The following PCYT1B variants were observed in gnomAD, a reference collection of about 807,000 sequenced individuals.
The protein encoded by PCYT1B is phosphate cytidylyltransferase 1B, choline, also known as choline-phosphate cytidylyltransferase B.
Under a neutral mutation model 26.4 loss-of-function variants are expected in PCYT1B, and 10 were observed. That is an observed-to-expected ratio of 0.38 (90% CI 0.23 to 0.64). The LOEUF is 0.64. Among genes scored for constraint, PCYT1B ranks in the 30% least tolerant of loss-of-function variants. PCYT1B has a pLI of 0.56. For missense variants in PCYT1B, 161 were observed against 292.7 expected (o/e 0.55, Z 3.28); for synonymous variants, 131 against 108.4 (o/e 1.21, Z -1.29).
At chrX:24,613,536 A>G (rs1278427075) in intron 2 of PCYT1B, among the ~76,000 whole-genome samples, 1 of 112,100 alleles carries the variant, frequency 8.9e-6, no homozygotes, top group East Asian at 2.8e-4. Flanking sequence ...AATAAGGCAG[A>G]TTCATTAAGG....
At chrX:24,594,378 T>A (rs1462566535) in intron 3 of PCYT1B, among the ~76,000 whole-genome samples, 1 of 111,735 alleles carries the variant, frequency 8.9e-6, no homozygotes, top group Non-Finnish European at 1.9e-5. Context: ...ACTTTTTGAA[T>A]GTTCTTTTAG....
rs200878033 is a variant in PCYT1B, at chrX:24,620,580, TG to T, written c.118-1497del. Among the ~76,000 whole-genome samples, 643 of 112,032 alleles carry T rather than the reference TG, an allele frequency of 5.7e-3. 4 individuals carry two copies. Among genetic ancestry groups the T allele is most frequent in the Non-Finnish European group, 8.7e-3 (465 of 53,159 alleles). ...TTTGTAATGTAGCAAAGGGGTGCAG[TG>T]ACAAGAACAAAAACTCTGTATCCAC... On this transcript the variant is annotated intron_variant, in intron 1 of 7. Transcript: ENST00000379144.
At chrX:24,606,222 A>G (rs1444434616) in intron 3 of PCYT1B, among the ~76,000 whole-genome samples, 3 of 110,931 alleles carry the variant, frequency 2.7e-5, no homozygotes, top group African/African-American at 9.8e-5. Context: ...TTTGGATGTG[A>G]TAACCCAGGG....
Position 24,647,055 on chromosome X carries a change from G to C in PCYT1B, c.51C>G (p.Ser17=). 1 of 1,210,239 alleles carries C rather than the reference G, an allele frequency of 8.3e-7. No individual in the cohort carries two copies. The highest frequency in any genetic ancestry group is 1.7e-5 in the African/African-American group (1 of 57,717). The change falls in exon 1 of 8, where the codon TCC becomes TCG. Residue 17 remains serine, a synonymous_variant. Transcript: ENST00000379144. ...TTTCTGAGGGAGGCTCATTGGAAAG[G>C]GATTTTGGGATACCTGTTTCTGACT... ...DAESETGIPK[S]LSNEPPSETM...
intron 1 of PCYT1B, among the ~76,000 whole-genome samples, chrX:24,641,186 AC>A (rs1352879909): frequency 9.0e-6 from 1 of 111,204 alleles, no homozygotes; most frequent in Non-Finnish European, 1.9e-5. Flanking sequence ...CACCTGCCTC[AC>A]CTCCCAAAGT....
intron 3 of PCYT1B, among the ~76,000 whole-genome samples, chrX:24,596,071 G>A (rs768964026): frequency 1.8e-4 from 20 of 112,023 alleles, no homozygotes; most frequent in South Asian, 7.4e-4. Context: ...GCGAAGCAGA[G>A]GTGGCTATTT....
chrX:24,629,559 CAAAAA>C (rs1165553186), intron 1 of PCYT1B, among the ~76,000 whole-genome samples: 9 of 16,099 alleles, frequency 5.6e-4, no homozygotes, highest in African/African-American at 2.0e-3. Flanking sequence ...GACCCTGTCT[CAAAAA>C]AAAAAAAAAA....
chrX:24,617,526 C>A (rs1161071544), intron 2 of PCYT1B, among the ~76,000 whole-genome samples: 1 of 105,671 alleles, frequency 9.5e-6, no homozygotes, highest in African/African-American at 3.5e-5. Flanking sequence ...CGGCTCACTG[C>A]AACCTCCACC....
At position 24,647,192 on chromosome X, in the gene PCYT1B, C is replaced by T. The variant is rs1780626930; in HGVS notation, c.-87G>A. The T allele has an allele frequency of 8.9e-7, 1 of 1,126,533 alleles. No individual in the cohort carries two copies. The highest frequency in any genetic ancestry group is 1.8e-5 in the African/African-American group (1 of 55,551). The allele number at this position is 1,126,533 out of a possible 1,213,427, so 92.8% of individuals were successfully genotyped here. A position where few individuals can be genotyped will look rare whatever the true frequency, so the allele number is the denominator to read the frequency against. ...TTTTCTTTGTCACGTATTTTTCTCCCCTCTACCCTCCACCCATCCCCCCGC... is the reference window on the plus strand; with the variant it reads ...TTTTCTTTGTCACGTATTTTTCTCCTCTCTACCCTCCACCCATCCCCCCGC... On this transcript the variant is annotated 5_prime_UTR_variant, in exon 1 of 8. Coordinates refer to ENST00000379144, the MANE Select transcript of PCYT1B (RefSeq NM_004845.5).
rs540581216 is a variant in PCYT1B, at chrX:24,583,384, C to T, written c.565+3857G>A. ...CCAGCCCAGTCGAGCCTTCAGATGA[C>T]CACAGCCCCCACCAACATCTGATTA... On this transcript the variant is annotated intron_variant, in intron 5 of 7. Coordinates refer to ENST00000379144, the MANE Select transcript of PCYT1B (RefSeq NM_004845.5). Among the ~76,000 whole-genome samples, 51 of 111,552 alleles carry T rather than the reference C, an allele frequency of 4.6e-4. No homozygotes were observed. The South Asian group carries it at 0.019, about 41-fold the overall frequency.
At chrX:24,656,423 A>G (rs1303627627) in intron 1 of PCYT1B, among the ~76,000 whole-genome samples, 1 of 109,585 alleles carries the variant, frequency 9.1e-6, no homozygotes, top group Non-Finnish European at 1.9e-5. Context: ...TGACAAACCT[A>G]TTGCATACAT....
Position 24,622,250 on chromosome X carries a change from A to C in PCYT1B, c.118-3166T>G, listed in dbSNP as rs775667554. Among the ~76,000 whole-genome samples the C allele has an allele frequency of 1.8e-4, 20 of 112,166 alleles. No homozygotes were observed. In the South Asian group the frequency reaches 3.4e-3, roughly 19 times the overall value. On this transcript the variant is annotated intron_variant, in intron 1 of 7. Transcript: ENST00000379144. ...ACTTCTTGAGTTGATCAAGCTCTGC[A>C]TTCAGGAAGACTTTGGTTAAGGCCC... is the stretch of plus-strand genomic sequence containing the variant.
intron 1 of PCYT1B, among the ~76,000 whole-genome samples, chrX:24,624,611 G>C (rs983951373): frequency 2.7e-5 from 3 of 111,927 alleles, no homozygotes; most frequent in Non-Finnish European, 5.6e-5. Context: ...CAGTTGGTTG[G>C]GAAGCGTGCA....
chrX:24,597,603 G>A (rs1447643544), intron 3 of PCYT1B, among the ~76,000 whole-genome samples: 8 of 112,113 alleles, frequency 7.1e-5, no homozygotes. Flanking sequence ...TGTTGCATTG[G>A]AAGGGGTGGA....
intron 1 of PCYT1B, among the ~76,000 whole-genome samples, chrX:24,620,623 T>G (rs192303244): frequency 5.3e-5 from 6 of 112,198 alleles, no homozygotes; most frequent in Non-Finnish European, 1.1e-4. Flanking sequence ...CGGGTTCAGA[T>G]CCCCTCTCCA....
At position 24,655,026 on chromosome X, in the gene PCYT1B, T is replaced by G. The variant is rs148866112; in HGVS notation, c.63+17544A>C. Among the ~76,000 whole-genome samples, 505 of 111,400 alleles carry G rather than the reference T, an allele frequency of 4.5e-3. 2 individuals carry two copies. The highest frequency in any genetic ancestry group is 0.015 in the African/African-American group (464 of 30,696). ...ATCCTTTCCACCCATTCCAGGAAAA[T>G]TATAGTAGTAAAAATATTTTTCAGT... On this transcript the variant is annotated intron_variant, in intron 1 of 7. Coordinates refer to the PCYT1B transcript ENST00000379145.
At chrX:24,612,147 G>A (rs1925328658) in intron 2 of PCYT1B, among the ~76,000 whole-genome samples, 1 of 112,405 alleles carries the variant, frequency 8.9e-6, no homozygotes, top group African/African-American at 3.2e-5. Context: ...GCTGAGGGTG[G>A]CCTCTGGCCG....
In PCYT1B at chrX:24,637,897, C is replaced by T. The variant is rs748510393; in HGVS notation, c.117+9092G>A. On this transcript the variant is annotated intron_variant, in intron 1 of 7. Transcript: ENST00000379144. ...GAGTGAGACCACTAGCCTTGCATCC[C>T]ATATAGAACAATTACCTTATAACTA... Among the ~76,000 whole-genome samples, 6 of 109,405 alleles carry T rather than the reference C, an allele frequency of 5.5e-5. No homozygotes were observed. In the East Asian group the frequency reaches 1.8e-3, roughly 32 times the overall value.
Position 24,647,108 on chromosome X carries a change from C to G in PCYT1B, c.-3G>C. 2 of 1,201,197 alleles carry G rather than the reference C, an allele frequency of 1.7e-6. No individual in the cohort carries two copies. The highest frequency in any genetic ancestry group is 2.2e-6 in the Non-Finnish European group (2 of 888,969). On this transcript the variant is annotated 5_prime_UTR_variant, in exon 1 of 8. Transcript: ENST00000379144. The stretch of plus-strand genomic sequence containing the variant: ...GCATCAGTGGTAACTACTGGCATGG[C>G]CAGTGAATGCTCCCTCTAGCTCTAC...
Sources: gnomAD v4.1 joint callset for allele counts (sites outside exome capture counted in the v4.1 genomes callset) on GRCh38, gnomAD v4.1.1 for gene constraint, MANE v1.5 for transcripts, NCBI Gene and HGNC (gene_info 2026-07-23, HGNC 2026-07-21) for gene names.